Variants in HS3ST4 observed in about 807,000 individuals in gnomAD.
The protein encoded by HS3ST4 is heparan sulfate-glucosamine 3-sulfotransferase 4.
A neutral mutation model predicts 29.2 loss-of-function variants in HS3ST4; 17 were observed. That is an observed-to-expected ratio of 0.58 (90% confidence interval 0.40 to 0.87). The LOEUF (loss-of-function observed/expected upper bound fraction) is 0.87. HS3ST4 is among the 40% of genes least tolerant of loss of function. The probability of loss-of-function intolerance (pLI) is 0.00; values close to 1 mark genes in which losing one functional copy is unlikely to be tolerated. For missense variants in HS3ST4, 627 were observed against 634.5 expected, an observed-to-expected ratio of 0.99 and a Z score of 0.13; for synonymous variants, 314 against 285.7, an observed-to-expected ratio of 1.10 and a Z score of -1.00.
At chr16:25,770,896 A>C (rs191330020) in intron 1 of HS3ST4, among the ~76,000 whole-genome samples, 8 of 152,244 alleles carry the variant, frequency 5.3e-5, no homozygotes, top group Non-Finnish European at 8.8e-5. Flanking sequence ...AACTGCGCTA[A>C]GTGTTTTATA....
chr16:25,873,964 A>G (rs1967800288), intron 1 of HS3ST4, among the ~76,000 whole-genome samples: 1 of 152,170 alleles, frequency 6.6e-6, no homozygotes, highest in African/African-American at 2.4e-5. Context: ...AGCCAGCCCA[A>G]GTGAAGCAAT....
chr16:25,700,878 CA>C (rs1410383030), intron 1 of HS3ST4, among the ~76,000 whole-genome samples: 1 of 140,860 alleles, frequency 7.1e-6, no homozygotes, highest in Non-Finnish European at 1.5e-5. Context: ...TTGCCTTAGA[CA>C]TTTTTTTTTC....
At chr16:25,726,222 G>C (rs1416272714) in intron 1 of HS3ST4, among the ~76,000 whole-genome samples, 3 of 152,154 alleles carry the variant, frequency 2.0e-5, no homozygotes, top group Non-Finnish European at 4.4e-5. Flanking sequence ...GTATTTACCT[G>C]ATGTTATACA....
Position 25,828,236 on chromosome 16 carries a change from TTC to T in HS3ST4, c.734+135087_734+135088del, listed in dbSNP as rs1344663398. 2.3e-3 allele frequency among the ~76,000 whole-genome samples: 186 copies of T among 81,656 alleles called. 2 individuals carry two copies. The highest frequency in any genetic ancestry group is 7.7e-3 in the African/African-American group (124 of 16,164). 53.6% of individuals were successfully genotyped at this position (81,656 alleles called of 152,430 possible). A position where few individuals can be genotyped will look rare whatever the true frequency, so the allele number is the denominator to read the frequency against. The stretch of plus-strand genomic sequence containing the variant: ...TGCTTTCTTTCCTTTCTTTCTTTCT[TTC>T]TTTCTCTTTCTTTCTTTCTTTCTTT... On this transcript the variant is annotated intron_variant, in intron 1 of 1. Coordinates refer to ENST00000331351, the MANE Select transcript of HS3ST4 (RefSeq NM_006040.3).
chr16:25,985,907 A>C (rs2141725191), intron 1 of HS3ST4, among the ~76,000 whole-genome samples: 1 of 151,838 alleles, frequency 6.6e-6, no homozygotes, highest in African/African-American at 2.4e-5. Context: ...CTGGTCTCAA[A>C]CTCCTGTCCT....
At chr16:26,016,208 G>C (rs1469502087) in intron 1 of HS3ST4, among the ~76,000 whole-genome samples, 1 of 152,142 alleles carries the variant, frequency 6.6e-6, no homozygotes, top group Non-Finnish European at 1.5e-5. Context: ...CTCTGATGAG[G>C]CTGTTCTTAT....
At chr16:26,131,451 C>T (rs1465153028) in intron 1 of HS3ST4, among the ~76,000 whole-genome samples, 1 of 152,186 alleles carries the variant, frequency 6.6e-6, no homozygotes, top group Non-Finnish European at 1.5e-5. Context: ...TACCTTTGCT[C>T]ACTGCCCTCC....
rs189928897 is a variant in HS3ST4, at chr16:25,785,096, G to A, written c.734+91945G>A. 2.6e-5 allele frequency among the ~76,000 whole-genome samples: 4 copies of A among 152,314 alleles called. No homozygotes were observed. In the East Asian group the frequency reaches 5.8e-4, roughly 22 times the overall value. ...CTCATTGACAGCATATCTGTTTACA[G>A]TGTGGTTTACTGAATATTATAAGCC... is the stretch of plus-strand genomic sequence containing the variant. On this transcript the variant is annotated intron_variant, in intron 1 of 1. Transcript: ENST00000331351.
chr16:25,893,454 G>T (rs1274897778), intron 1 of HS3ST4, among the ~76,000 whole-genome samples: 3 of 152,114 alleles, frequency 2.0e-5, no homozygotes, highest in Non-Finnish European at 4.4e-5. Flanking sequence ...ATTCAAATCT[G>T]TGGACCAGGA....
chr16:25,991,396 A>G (rs981336461), intron 1 of HS3ST4, among the ~76,000 whole-genome samples: 1 of 152,208 alleles, frequency 6.6e-6, no homozygotes, highest in Non-Finnish European at 1.5e-5. Context: ...TACTGAAAGA[A>G]AAAAAGAGAG....
intron 1 of HS3ST4, among the ~76,000 whole-genome samples, chr16:26,098,208 A>G (rs78654954): frequency 0.014 from 2,199 of 152,320 alleles, 44 homozygotes; most frequent in African/African-American, 0.049. Context: ...TAGAAATACC[A>G]TTTGACCCAG....
chr16:25,881,471 T>G (rs1472075569), intron 1 of HS3ST4, among the ~76,000 whole-genome samples: 1 of 152,188 alleles, frequency 6.6e-6, no homozygotes, highest in Admixed American at 6.5e-5. Context: ...AATAAAATCC[T>G]TCGATACCAG....
intron 1 of HS3ST4, among the ~76,000 whole-genome samples, chr16:25,981,626 T>TTA (rs55990642): frequency 2.0e-5 from 3 of 147,280 alleles, no homozygotes; most frequent in Non-Finnish European, 4.5e-5. Context: ...TTTTTTTTTT[T>TTA]AGACGGAATC....
chr16:26,105,729 G>C (rs965528890), intron 1 of HS3ST4, among the ~76,000 whole-genome samples: 3 of 152,222 alleles, frequency 2.0e-5, no homozygotes, highest in African/African-American at 7.2e-5. Context: ...GCCCCAGAAT[G>C]CTGCACCTGC....
intron 1 of HS3ST4, among the ~76,000 whole-genome samples, chr16:25,966,190 C>T (rs1379315990): frequency 6.6e-6 from 1 of 152,098 alleles, no homozygotes; most frequent in Non-Finnish European, 1.5e-5. Context: ...AGGGACATGG[C>T]CAAGGTCATA....
At chr16:25,875,072 A>G (rs1425356981) in intron 1 of HS3ST4, among the ~76,000 whole-genome samples, 1 of 152,182 alleles carries the variant, frequency 6.6e-6, no homozygotes, top group East Asian at 1.9e-4. Flanking sequence ...TAAATGGGAT[A>G]CAATGTTGAT....
At chr16:25,963,861 A>G (rs1207697824) in intron 1 of HS3ST4, among the ~76,000 whole-genome samples, 1 of 152,186 alleles carries the variant, frequency 6.6e-6, no homozygotes, top group African/African-American at 2.4e-5. Context: ...TAACAAAATC[A>G]AAGCACACAT....
At chr16:25,718,612 A>G (rs185185743) in intron 1 of HS3ST4, among the ~76,000 whole-genome samples, 44 of 152,300 alleles carry the variant, frequency 2.9e-4, no homozygotes, top group African/African-American at 1.0e-3. Flanking sequence ...TACTTAAGCC[A>G]ATATATTTCC....
rs140208755 is a variant in HS3ST4 at position 25,821,909 on chromosome 16, G to C, written c.734+128758G>C. 1.2e-3 allele frequency among the ~76,000 whole-genome samples: 177 copies of C among 152,184 alleles called. 2 individuals carry two copies. Among genetic ancestry groups the C allele is most frequent in the Admixed American group, 0.011 (164 of 15,286 alleles). On this transcript the variant is annotated intron_variant, in intron 1 of 1. Coordinates refer to ENST00000331351, the MANE Select transcript of HS3ST4 (RefSeq NM_006040.3). ...ACTCCATCTCTTAAAGAAAAAAAAA[G>C]GTTTTCTCTTCTTGGCAGTCACAGC...
Sources: allele counts gnomAD v4.1 joint callset (sites outside exome capture counted in the v4.1 genomes callset), GRCh38; gene constraint gnomAD v4.1.1; transcripts MANE v1.5; gene names NCBI Gene and HGNC (gene_info 2026-07-23, HGNC 2026-07-21).